Variants in HAUS6 observed in about 807,000 individuals in gnomAD.
The protein encoded by HAUS6 is HAUS augmin-like complex subunit 6.
Under a neutral mutation model 106.8 loss-of-function variants are expected in HAUS6, and 80 were observed. That is an observed-to-expected ratio of 0.75 (90% CI 0.63 to 0.90). The LOEUF is 0.90. HAUS6 is among the 40% of genes least tolerant of loss of function. The pLI, the probability that HAUS6 is intolerant of heterozygous loss-of-function variation, is 0.00. For missense variants in HAUS6, 1,155 were observed against 1,118.1 expected (o/e 1.03, Z -0.47); for synonymous variants, 356 against 379.1 (o/e 0.94, Z 0.71).
intron 9 of HAUS6, among the ~76,000 whole-genome samples, 178 bp from the exon 10 acceptor site, chr9:19,078,480 CT>C (rs1216121008): frequency 6.6e-6 from 1 of 152,020 alleles, no homozygotes; most frequent in Non-Finnish European, 1.5e-5. Flanking sequence ...CCTAAAATAC[CT>C]TTCTCTTTTT....
intron 1 of HAUS6, 144 bp from the exon 2 acceptor site, chr9:19,096,913 T>A: frequency 2.1e-6 from 1 of 471,702 alleles, no homozygotes. Flanking sequence ...CTCATTCATG[T>A]GTATTTTATA....
rs929342727 is a variant in HAUS6, at chr9:19,062,862, C to T, written c.1629+146G>A. ...TTAATTTTTTTGTAGAGATGGGTTT[C>T]GCCATGTTGCCCATGCTGGTCTCGA... is the stretch of plus-strand genomic sequence containing the variant. On this transcript the variant is annotated intron_variant, in intron 14 of 16. Transcript: ENST00000380502. 227 of 668,006 alleles carry T rather than the reference C, an allele frequency of 3.4e-4. 1 individual carries two copies. Among genetic ancestry groups the T allele is most frequent in the Non-Finnish European group, 5.4e-4 (205 of 383,044 alleles). The allele number at this position is 668,006 out of a possible 1,614,324, so 41.4% of individuals were successfully genotyped here.
chr9:19,098,462 A>G (rs1000059650), intron 1 of HAUS6, among the ~76,000 whole-genome samples: 2 of 151,570 alleles, frequency 1.3e-5, no homozygotes, highest in Admixed American at 1.3e-4. Flanking sequence ...AAAATTATAT[A>G]AGGGAAAATT....
intron 12 of HAUS6, among the ~76,000 whole-genome samples, chr9:19,068,543 T>A (rs1330522267): frequency 6.6e-6 from 1 of 152,210 alleles, no homozygotes; most frequent in African/African-American, 2.4e-5. Flanking sequence ...AAGTTTTAAC[T>A]CTGGTTAGTG....
intron 12 of HAUS6, among the ~76,000 whole-genome samples, chr9:19,068,867 G>A (rs1305964317): frequency 6.6e-6 from 1 of 151,628 alleles, no homozygotes; most frequent in Non-Finnish European, 1.5e-5. Context: ...GTCCAAAATG[G>A]GATAATAGAG....
chr9:19,070,828 C>T (rs1162456165), intron 11 of HAUS6, among the ~76,000 whole-genome samples: 2 of 152,302 alleles, frequency 1.3e-5, no homozygotes, highest in East Asian at 1.9e-4. Context: ...TATACTTCTA[C>T]AGTATTATGA....
chr9:19,060,370 C>A (rs7022576), intron 14 of HAUS6, 147 bp from the exon 15 acceptor site: 219,979 of 575,908 alleles, frequency 0.38, 45,945 homozygotes, highest in African/African-American at 0.66. Flanking sequence ...AGAAGTTCCC[C>A]AACAACTCTG....
chr9:19,080,470 T>C lies in HAUS6; in HGVS notation c.1064+9A>G, dbSNP rs1421179432. ...TCCCACAGTAAAATAACAGATCTTT[T>C]TAGTGTACCTCATATGTTTCAGATC... On this transcript the variant is annotated intron_variant, in intron 9 of 16. Transcript: ENST00000380502. 2 of 1,577,160 alleles carry C rather than the reference T, an allele frequency of 1.3e-6. No homozygotes were observed. Among genetic ancestry groups the C allele is most frequent in the Non-Finnish European group, 1.7e-6 (2 of 1,148,854 alleles).
At position 19,080,476 on chromosome 9, in the gene HAUS6, T is replaced by C; in HGVS notation, c.1064+3A>G. On this transcript the variant is annotated splice_donor_region_variant and intron_variant, in intron 9 of 16. Coordinates refer to ENST00000380502, the MANE Select transcript of HAUS6 (RefSeq NM_017645.5). ...AGTAAAATAACAGATCTTTTTAGTG[T>C]ACCTCATATGTTTCAGATCTGATAA... is the stretch of plus-strand genomic sequence containing the variant. 3.1e-6 allele frequency: 5 copies of C among 1,587,618 alleles called. No homozygotes were observed. The highest frequency in any genetic ancestry group is 2.2e-5 in the East Asian group (1 of 44,730).
rs1837309654 is a variant in HAUS6, at chr9:19,086,920, T to G, written c.651-138A>C. On this transcript the variant is annotated intron_variant, in intron 6 of 16. Transcript: ENST00000380502. ...ATAAAATTTAATCTGAAAGCGATAA[T>G]AATTTATTAGGAAAACTGGATTAGC... The G allele has an allele frequency of 4.4e-5, 27 of 619,400 alleles. No individual in the cohort carries two copies. In the South Asian group the frequency reaches 5.6e-4, roughly 13 times the overall value. 38.4% of individuals were successfully genotyped at this position (619,400 alleles called of 1,614,324 possible).
At chr9:19,062,948 G>T in intron 14 of HAUS6, 60 bp downstream of exon 14, 1 of 1,272,436 alleles carries the variant, frequency 7.9e-7, no homozygotes, top group Non-Finnish European at 1.1e-6. Flanking sequence ...TTACAGACAT[G>T]GGCCACTGTG....
chr9:19,068,763 A>C (rs1359907972), intron 12 of HAUS6, among the ~76,000 whole-genome samples: 1 of 151,954 alleles, frequency 6.6e-6, no homozygotes, highest in Non-Finnish European at 1.5e-5. Context: ...ATTGCTACTT[A>C]ATAATGTTTA....
At position 19,102,644 on chromosome 9, in the gene HAUS6, G is replaced by A; in HGVS notation, c.8C>T (p.Ser3Leu). 1.2e-6 allele frequency: 2 copies of A among 1,611,858 alleles called. No individual in the cohort carries two copies. The highest frequency in any genetic ancestry group is 1.1e-5 in the South Asian group (1 of 90,916). The part of the protein sequence containing the change: MS[S>L]ASVTAFEKEH... ...CTTCTCGAAAGCGGTGACCGAGGCCGAGCTCATCCTCGCGGTAGGCACGGT... is the reference window on the plus strand; with the variant it reads ...CTTCTCGAAAGCGGTGACCGAGGCCAAGCTCATCCTCGCGGTAGGCACGGT... Residue 3 changes from serine to leucine, a missense_variant, in exon 1 of 17, where the codon TCG becomes TTG. Ser to Leu is a moderately radical substitution (Grantham distance 145). Around this residue, in one of 3 missense-constraint regions of HAUS6, gnomAD observed 761 missense variants for 690.0 expected, o/e 1.10. Transcript: ENST00000380502.
intron 9 of HAUS6, among the ~76,000 whole-genome samples, chr9:19,080,174 C>CCAAA (rs1554689922): frequency 1.3e-3 from 47 of 37,576 alleles, no homozygotes; most frequent in African/African-American, 4.1e-3. Flanking sequence ...AACTCCGTCT[C>CCAAA]AAAAAAAAAA....
chr9:19,089,645 T>C, intron 4 of HAUS6, 86 bp from the exon 5 acceptor site: 2 of 959,358 alleles, frequency 2.1e-6, no homozygotes, highest in Non-Finnish European at 3.1e-6. Context: ...GTCACTAACG[T>C]TGGTGGTATA....
rs548338620 is a variant in HAUS6, at chr9:19,091,229, A to T, written c.437-1670T>A. Among the ~76,000 whole-genome samples the T allele has an allele frequency of 2.0e-5, 3 of 151,934 alleles. No homozygotes were observed. The South Asian group carries it at 6.2e-4, about 32-fold the overall frequency. On this transcript the variant is annotated intron_variant, in intron 4 of 16. Transcript: ENST00000380502. Reference sequence around the variant, plus strand: ...GCAGTAGAATCGCTTGAACCCGGGAAGTGGATGTTGCAGTAAGCCGAGATC... The same window carrying T: ...GCAGTAGAATCGCTTGAACCCGGGATGTGGATGTTGCAGTAAGCCGAGATC...
intron 7 of HAUS6, 86 bp downstream of exon 7, chr9:19,086,648 G>T (rs1837302525): frequency 3.9e-5 from 23 of 586,244 alleles, no homozygotes; most frequent in Non-Finnish European, 6.4e-5. Context: ...GTGGTAAATA[G>T]ACTATAAGAG....
chr9:19,053,674 C>T lies in HAUS6; in HGVS notation c.*2669G>A, dbSNP rs2131088349. Reference sequence around the variant, plus strand: ...TATGTCAGTTTATATACCTTTGTATCTTACAAATAGTAAAACAAAGTACAT... The same window carrying T: ...TATGTCAGTTTATATACCTTTGTATTTTACAAATAGTAAAACAAAGTACAT... On this transcript the variant is annotated 3_prime_UTR_variant, in exon 17 of 17. Transcript: ENST00000380502. 1 of 152,228 alleles carries T rather than the reference C, an allele frequency of 6.6e-6. No individual in the cohort carries two copies. Among genetic ancestry groups the T allele is most frequent in the East Asian group, 1.9e-4 (1 of 5,194 alleles). 9.4% of individuals were successfully genotyped at this position (152,228 alleles called of 1,614,324 possible).
chr9:19,078,138 G>C, intron 10 of HAUS6, 38 bp downstream of exon 10: 1 of 1,543,136 alleles, frequency 6.5e-7, no homozygotes, highest in African/African-American at 1.4e-5. Flanking sequence ...AAAAAAGGTG[G>C]GTGGCGGGGA....
Sources: allele counts gnomAD v4.1 joint callset (sites outside exome capture counted in the v4.1 genomes callset), GRCh38; gene constraint gnomAD v4.1.1; regional missense constraint gnomAD v4.1.1; transcripts MANE v1.5; gene names NCBI Gene and HGNC (gene_info 2026-07-23, HGNC 2026-07-21).